Variants in DTNA observed in about 807,000 individuals in gnomAD.
DTNA encodes dystrobrevin alpha.
In DTNA, 43 loss-of-function variants were observed where a neutral mutation model predicts 100.7. The observed-to-expected ratio is 0.43, with a 90% CI of 0.33 to 0.55. DTNA has a LOEUF of 0.55. DTNA is among the 20% of genes least tolerant of loss of function. DTNA has a pLI of 0.04. For synonymous variants in DTNA, 349 were observed against 347.9 expected (o/e 1.00, Z -0.04); for missense variants, 798 against 953.9 (o/e 0.84, Z 2.15).
At chr18:34,799,972 C>G (rs557227506) in intron 4 of DTNA, among the ~76,000 whole-genome samples, 1 of 152,260 alleles carries the variant, frequency 6.6e-6, no homozygotes, top group East Asian at 1.9e-4. Context: ...AGAGAGAAGC[C>G]AGATCCAAAT....
intron 1 of DTNA, chr18:34,504,190 A>G (rs561753320): frequency 7.2e-5 from 11 of 151,878 alleles, no homozygotes; most frequent in African/African-American, 2.7e-4. Context: ...TTTTTTAATC[A>G]TCACTCTAAG....
chr18:34,791,710 T>A (rs2094752091), intron 3 of DTNA, among the ~76,000 whole-genome samples: 1 of 152,234 alleles, frequency 6.6e-6, no homozygotes. Context: ...TTAGTTGGTA[T>A]GTGATTTGTA....
chr18:34,498,313 G>A (rs541149034), intron 1 of DTNA, among the ~76,000 whole-genome samples: 1 of 151,764 alleles, frequency 6.6e-6, no homozygotes, highest in Non-Finnish European at 1.5e-5. Flanking sequence ...GGGACCTGTA[G>A]TCCCAACTAC....
chr18:34,876,459 C>T (rs1405564695), intron 18 of DTNA, among the ~76,000 whole-genome samples: 1 of 151,994 alleles, frequency 6.6e-6, no homozygotes, highest in African/African-American at 2.4e-5. Flanking sequence ...AGAATAGACA[C>T]CACCAAAACA....
At chr18:34,812,256 G>A in intron 6 of DTNA, 143 bp downstream of exon 6, 1 of 1,184,398 alleles carries the variant, frequency 8.4e-7, no homozygotes, top group Non-Finnish European at 1.2e-6. Flanking sequence ...TCTGGCAAAT[G>A]ACCTCTGAGC....
chr18:34,615,817 A>G (rs976309376), intron 1 of DTNA, among the ~76,000 whole-genome samples: 1 of 152,124 alleles, frequency 6.6e-6, no homozygotes, highest in Non-Finnish European at 1.5e-5. Context: ...TTTAGCTCCC[A>G]CTTGTAAGTG....
intron 1 of DTNA, among the ~76,000 whole-genome samples, chr18:34,589,921 T>C (rs1309320787): frequency 1.3e-5 from 2 of 149,400 alleles, no homozygotes; most frequent in Admixed American, 1.3e-4. Flanking sequence ...TTTATCCATG[T>C]TATGGCAAAT....
At chr18:34,628,453 T>G (rs2057637139) in intron 1 of DTNA, among the ~76,000 whole-genome samples, 1 of 152,226 alleles carries the variant, frequency 6.6e-6, no homozygotes, top group South Asian at 2.1e-4. Context: ...GCCATCAGGT[T>G]AGAGATCCAT....
chr18:34,891,724 C>T lies in DTNA; in HGVS notation c.*3990C>T, dbSNP rs1022262908. The T allele has an allele frequency of 1.4e-4, 21 of 152,358 alleles. No homozygotes were observed. The highest frequency in any genetic ancestry group is 4.6e-4 in the African/African-American group (19 of 41,580). 9.4% of individuals were successfully genotyped at this position (152,358 alleles called of 1,614,324 possible). On this transcript the variant is annotated 3_prime_UTR_variant, in exon 23 of 23. Coordinates refer to ENST00000444659, the MANE Select transcript of DTNA (RefSeq NM_001386795.1). ...TTTCATGTTTGTATCACACACTGTT[C>T]TTAACACTTTATGTGACTTCACTCA...
intron 11 of DTNA, among the ~76,000 whole-genome samples, chr18:34,836,030 A>C (rs2096133527): frequency 6.6e-6 from 1 of 152,240 alleles, no homozygotes; most frequent in South Asian, 2.1e-4. Flanking sequence ...ATTATGTAAT[A>C]GATTCATCTA....
intron 1 of DTNA, among the ~76,000 whole-genome samples, chr18:34,609,707 C>G (rs1018440426): frequency 1.3e-5 from 2 of 152,046 alleles, no homozygotes. Context: ...AGGTGGAATT[C>G]CTTCCTTGTC....
chr18:34,806,793 T>C (rs1042397504), intron 5 of DTNA, among the ~76,000 whole-genome samples: 2 of 152,222 alleles, frequency 1.3e-5, no homozygotes, highest in African/African-American at 2.4e-5. Flanking sequence ...AGAGACAGCA[T>C]TGGCAGAGTT....
rs1057524416 is a variant in DTNA, at chr18:34,838,816, T to C, written c.1325T>C (p.Met442Thr). 3 of 1,613,774 alleles carry C rather than the reference T, an allele frequency of 1.9e-6. No homozygotes were observed. The highest frequency in any genetic ancestry group is 2.5e-6 in the Non-Finnish European group (3 of 1,179,742). Reference protein sequence around the residue: ...EHVLIGLYVNMLRNNPSCMLE... With the variant: ...EHVLIGLYVNTLRNNPSCMLE... ...GTTCTCATCGGGTTGTATGTCAACATGCTCCGGAACAACCCCTCATGGTTA... is the reference window on the plus strand; with the variant it reads ...GTTCTCATCGGGTTGTATGTCAACACGCTCCGGAACAACCCCTCATGGTTA... The change falls in exon 13 of 23, where the codon ATG becomes ACG. Residue 442 changes from methionine to threonine, a missense_variant. Transcript: ENST00000444659.
intron 2 of DTNA, among the ~76,000 whole-genome samples, chr18:34,760,536 G>C (rs2093078782): frequency 2.0e-5 from 3 of 152,164 alleles, no homozygotes; most frequent in Non-Finnish European, 2.9e-5. Flanking sequence ...TTGCCTACTT[G>C]TTTTCAAGTG....
rs2095359460 is a variant in DTNA at position 34,806,315 on chromosome 18, A to T, written c.448+11A>T. The T allele has an allele frequency of 6.2e-7, 1 of 1,612,542 alleles. No homozygotes were observed. The highest frequency in any genetic ancestry group is 8.5e-7 in the Non-Finnish European group (1 of 1,178,968). Reference sequence around the variant, plus strand: ...TGGACAAATTAAGATGTAAGTTATTATTCCTTGTGTGTCTGTTTGCTTTTC... The same window carrying T: ...TGGACAAATTAAGATGTAAGTTATTTTTCCTTGTGTGTCTGTTTGCTTTTC... On this transcript the variant is annotated intron_variant, in intron 5 of 22. Coordinates refer to ENST00000444659, the MANE Select transcript of DTNA (RefSeq NM_001386795.1).
At chr18:34,553,725 T>C (rs1400083069) in intron 1 of DTNA, among the ~76,000 whole-genome samples, 1 of 151,868 alleles carries the variant, frequency 6.6e-6, no homozygotes, top group Non-Finnish European at 1.5e-5. Flanking sequence ...CTCTGTTCTG[T>C]TCCATTGATC....
At chr18:34,552,512 A>G (rs1307557750) in intron 1 of DTNA, among the ~76,000 whole-genome samples, 6 of 141,104 alleles carry the variant, frequency 4.3e-5, no homozygotes, top group South Asian at 5.2e-4. Context: ...ATATCTCCCA[A>G]TGCTATCCCT....
chr18:34,879,593 C>G lies in DTNA; in HGVS notation c.2036C>G (p.Ala679Gly), dbSNP rs1300081232. Reference protein sequence around the residue: ...ETESNVDSEFARTQFEDLVPS... With the variant: ...ETESNVDSEFGRTQFEDLVPS... ...GAGAGTAATGTGGATTCTGAATTTG[C>G]ACGGACTCAGTTTGAGGATCTTGTT... is the stretch of plus-strand genomic sequence containing the variant. The change falls in exon 20 of 23, where the codon GCA (alanine) becomes GGA (glycine). Residue 679 changes from alanine to glycine, a missense_variant. This residue lies in a region of DTNA where 242 missense variants were observed against 238.2 expected (regional missense o/e 1.02). Coordinates refer to ENST00000444659, the MANE Select transcript of DTNA (RefSeq NM_001386795.1). 1 of 1,613,996 alleles carries G rather than the reference C, an allele frequency of 6.2e-7. No individual in the cohort carries two copies. The highest frequency in any genetic ancestry group is 2.2e-5 in the East Asian group (1 of 44,854).
At chr18:34,622,700 G>T (rs1485540827) in intron 1 of DTNA, among the ~76,000 whole-genome samples, 1 of 152,136 alleles carries the variant, frequency 6.6e-6, no homozygotes, top group Non-Finnish European at 1.5e-5. Context: ...CCTGTCCTTG[G>T]ACAACAACTC....
Sources: allele counts gnomAD v4.1 joint callset (sites outside exome capture counted in the v4.1 genomes callset), GRCh38; gene constraint gnomAD v4.1.1; regional missense constraint gnomAD v4.1.1; transcripts MANE v1.5; gene names NCBI Gene and HGNC (gene_info 2026-07-23, HGNC 2026-07-21).